MCF2L: variants seen among roughly 807,000 people sequenced by gnomAD.
MCF2L encodes the protein guanine nucleotide exchange factor DBS.
In MCF2L, 97 loss-of-function variants were observed where a neutral mutation model predicts 153.4. The ratio of observed to expected loss-of-function variants is 0.63; its 90% confidence interval spans 0.54 to 0.75. The LOEUF (loss-of-function observed/expected upper bound fraction) is 0.75, where lower values mean the gene tolerates loss of function less well. Among genes scored for constraint, MCF2L ranks in the 30% least tolerant of loss-of-function variants. The probability of loss-of-function intolerance (pLI) is 0.00; values close to 1 mark genes in which losing one functional copy is unlikely to be tolerated. For missense variants in MCF2L, 1,347 were observed against 1,495.2 expected, an observed-to-expected ratio of 0.90 and a Z score of 1.64; for synonymous variants, 659 against 632.2, an observed-to-expected ratio of 1.04 and a Z score of -0.64.
chr13:113,091,600 G>A (rs1054296659), intron 26 of MCF2L, among the ~76,000 whole-genome samples: 2 of 152,182 alleles, frequency 1.3e-5, no homozygotes, highest in African/African-American at 4.8e-5. Context: ...TGGGAACACA[G>A]AGCATAGCAA....
At chr13:113,095,467 A>T (rs1470639425) in intron 27 of MCF2L, 1 of 1,072,020 alleles carries the variant, frequency 9.3e-7, no homozygotes, top group Admixed American at 5.1e-5. Flanking sequence ...AACAGGGTGC[A>T]CGGGGCCTGG....
In MCF2L at chr13:113,075,161, C is replaced by A; in HGVS notation, c.1280C>A (p.Ser427Tyr). 6.2e-7 allele frequency: 1 copy of A among 1,606,034 alleles called. No individual in the cohort carries two copies. The highest frequency in any genetic ancestry group is 8.5e-7 in the Non-Finnish European group (1 of 1,174,710). Residue 427 changes from serine (S) to tyrosine (Y), a missense_variant, in exon 11 of 30, where the codon TCC (serine) becomes TAC (tyrosine). This residue lies in a region of MCF2L where 820 missense variants were observed against 921.2 expected (regional missense o/e 0.89). Transcript: ENST00000535094. ...IARRRGLLSK[S>Y]LELHRRLETS... ...AGGAGGAGGGGGCTGCTCAGCAAGT[C>A]CCTGGAGCTGCACCGCCGCCTGGAG...
chr13:112,897,524 G>A (rs553277521), intron 1 of MCF2L, among the ~76,000 whole-genome samples: 16 of 152,306 alleles, frequency 1.1e-4, no homozygotes, highest in African/African-American at 3.1e-4. Context: ...GCTGTGGGAC[G>A]TCCCGGATGA....
chr13:112,982,153 T>A (rs952546127), intron 1 of MCF2L, among the ~76,000 whole-genome samples: 2 of 152,008 alleles, frequency 1.3e-5, no homozygotes, highest in African/African-American at 4.8e-5. Flanking sequence ...TCAGGAGCTT[T>A]GGAAAGAGGT....
chr13:112,959,508 G>A (rs963870157), intron 2 of MCF2L, among the ~76,000 whole-genome samples: 1 of 152,144 alleles, frequency 6.6e-6, no homozygotes, highest in African/African-American at 2.4e-5. Context: ...AGTGAGGGAG[G>A]AGGGTCATCC....
chr13:112,931,125 C>T (rs573549448), intron 2 of MCF2L, among the ~76,000 whole-genome samples: 1 of 152,276 alleles, frequency 6.6e-6, no homozygotes, highest in South Asian at 2.1e-4. Flanking sequence ...TCTGGGGCCT[C>T]CCAGTGGGGA....
In MCF2L at chr13:113,088,382, C is replaced by A; in HGVS notation, c.2744C>A (p.Thr915Asn). ...GTGAATGAAATTCGGAAAGTGCTGA[C>A]CAGCCAGCTGCAGGCTTGTAGAGGT... ...AWVNEIRKVL[T>N]SQLQACREAS... Residue 915 changes from threonine (T) to asparagine (N), a missense_variant, in exon 24 of 30, where the codon ACC (threonine) becomes AAC (asparagine). Physicochemically the swap from Thr to Asn is moderately conservative, Grantham distance 65. Around this residue, in one of 3 missense-constraint regions of MCF2L, gnomAD observed 383 missense variants for 335.4 expected, o/e 1.14. Coordinates refer to ENST00000535094, the MANE Select transcript of MCF2L (RefSeq NM_001112732.3). 6.2e-7 allele frequency: 1 copy of A among 1,614,044 alleles called. No individual in the cohort carries two copies. The highest frequency in any genetic ancestry group is 8.5e-7 in the Non-Finnish European group (1 of 1,180,044).
intron 25 of MCF2L, 40 bp from the exon 26 acceptor site, chr13:113,089,570 C>A: frequency 7.2e-7 from 1 of 1,387,706 alleles, no homozygotes; most frequent in Non-Finnish European, 1.0e-6. Flanking sequence ...ACTAACCAGG[C>A]AACACACTAT....
At chr13:112,958,898 G>A (rs1029517848) in intron 2 of MCF2L, among the ~76,000 whole-genome samples, 2 of 152,130 alleles carry the variant, frequency 1.3e-5, no homozygotes, top group East Asian at 1.9e-4. Flanking sequence ...TGGGAGAGCC[G>A]TGAACACAGA....
In MCF2L at chr13:113,031,987, C is replaced by A. The variant is rs892724154; in HGVS notation, c.278+7229C>A. On this transcript the variant is annotated intron_variant, in intron 3 of 29. Transcript: ENST00000535094. The surrounding 1 kb of genome is among the most constrained non-coding windows in gnomAD (Gnocchi z 5.5). Reference sequence around the variant, plus strand: ...GCACACACACACATGCAAGTGCATGCATACCCCCCCACAGACCTGCACATG... The same window carrying A: ...GCACACACACACATGCAAGTGCATGAATACCCCCCCACAGACCTGCACATG... 1.3e-5 allele frequency among the ~76,000 whole-genome samples: 2 copies of A among 152,188 alleles called. No individual in the cohort carries two copies. Among genetic ancestry groups the A allele is most frequent in the Admixed American group, 6.5e-5 (1 of 15,280 alleles).
intron 15 of MCF2L, among the ~76,000 whole-genome samples, 172 bp from the exon 16 acceptor site, chr13:113,081,041 C>A (rs941237835): frequency 6.6e-6 from 1 of 152,210 alleles, no homozygotes; most frequent in African/African-American, 2.4e-5. Flanking sequence ...TCTGAGGCCG[C>A]GAGCTGGGAG....
In MCF2L at chr13:112,949,666, C is replaced by A. The variant is rs999827115; in HGVS notation, c.169+47295C>A. ...CAACCAGTGCAGAAAAAGTCTTTGA[C>A]AAAATTTAACACACATTCATGATTA... On this transcript the variant is annotated intron_variant, in intron 2 of 29. Transcript: ENST00000375608. Among the ~76,000 whole-genome samples, 4 of 149,958 alleles carry A rather than the reference C, an allele frequency of 2.7e-5. No homozygotes were observed. In the East Asian group the frequency reaches 7.8e-4, roughly 29 times the overall value.
intron 3 of MCF2L, among the ~76,000 whole-genome samples, chr13:113,030,223 G>A (rs2085563185): frequency 6.6e-6 from 1 of 152,068 alleles, no homozygotes; most frequent in South Asian, 2.1e-4. Context: ...GACGCCCGGT[G>A]TGGACTCTCA....
rs2082987340 is a variant in MCF2L, at chr13:112,993,679, AT to A, written c.80-21081del. On this transcript the variant is annotated intron_variant, in intron 1 of 29. Coordinates refer to ENST00000535094, the MANE Select transcript of MCF2L (RefSeq NM_001112732.3). The surrounding 1 kb of genome is among the most constrained non-coding windows in gnomAD (Gnocchi z 4.6). The stretch of plus-strand genomic sequence containing the variant: ...ATGGCCCCACGATGTCAGGCTTGGA[AT>A]TTGGGGTGGACGGTGGTGCCATCAG... 6.6e-6 allele frequency among the ~76,000 whole-genome samples: 1 copy of A among 152,016 alleles called. No individual in the cohort carries two copies. Among genetic ancestry groups the A allele is most frequent in the South Asian group, 2.1e-4 (1 of 4,816 alleles).
Position 113,064,139 on chromosome 13 carries a change from C to T in MCF2L, c.490-165C>T, listed in dbSNP as rs976072290. On this transcript the variant is annotated intron_variant, in intron 5 of 29. Transcript: ENST00000535094. The surrounding 1 kb of genome is among the most constrained non-coding windows in gnomAD (Gnocchi z 6.0). Reference sequence around the variant, plus strand: ...GCGGGGCGCTGAGCTGCATCCCATCCGCACATCCATCCGCAGTGTCCAGGT... The same window carrying T: ...GCGGGGCGCTGAGCTGCATCCCATCTGCACATCCATCCGCAGTGTCCAGGT... Among the ~76,000 whole-genome samples the T allele has an allele frequency of 2.6e-5, 4 of 152,198 alleles. No homozygotes were observed. The highest frequency in any genetic ancestry group is 7.2e-5 in the African/African-American group (3 of 41,442).
At chr13:113,084,852 A>ACCGCGTGATGCGCTGCCCG (rs761395161) in intron 18 of MCF2L, 40 bp from the exon 19 acceptor site, 1 of 1,486,326 alleles carries the variant, frequency 6.7e-7, no homozygotes. Flanking sequence ...TGCGCTGCCC[A>ACCGCGTGATGCGCTGCCCG]TCCCTCACTG....
At chr13:112,996,672 G>A (rs187487119) in intron 1 of MCF2L, among the ~76,000 whole-genome samples, 28 of 152,326 alleles carry the variant, frequency 1.8e-4, no homozygotes, top group Non-Finnish European at 3.5e-4. Context: ...TCTTGGATGC[G>A]CCCGATGGTC....
In MCF2L at chr13:112,941,951, AG is replaced by A. The variant is rs2081578927; in HGVS notation, c.169+39581del. Among the ~76,000 whole-genome samples the A allele has an allele frequency of 6.6e-6, 1 of 152,198 alleles. No individual in the cohort carries two copies. Among genetic ancestry groups the A allele is most frequent in the Admixed American group, 6.5e-5 (1 of 15,286 alleles). ...GGGCCACCAGAGGGCTCTTTGGTCT[AG>A]CGGTAACGCCAGCATCTGGGAAGAC... On this transcript the variant is annotated intron_variant, in intron 2 of 29. Transcript: ENST00000375608. The surrounding 1 kb of genome is among the most constrained non-coding windows in gnomAD (Gnocchi z 4.9).
Position 113,035,100 on chromosome 13 carries a change from A to G in MCF2L, c.279-10171A>G, listed in dbSNP as rs188582440. The stretch of plus-strand genomic sequence containing the variant: ...TCAGCACCCCCGTGCAGACCTCACC[A>G]TTCCCGACGGGAACACTTGTGATAT... On this transcript the variant is annotated intron_variant, in intron 3 of 29. Transcript: ENST00000535094. The surrounding 1 kb of genome is among the most constrained non-coding windows in gnomAD (Gnocchi z 4.4). Among the ~76,000 whole-genome samples the G allele has an allele frequency of 2.0e-5, 3 of 152,304 alleles. No homozygotes were observed. Among genetic ancestry groups the G allele is most frequent in the Admixed American group, 2.0e-4 (3 of 15,302 alleles).
Sources: gnomAD v4.1 joint callset for allele counts (sites outside exome capture counted in the v4.1 genomes callset) on GRCh38, gnomAD v4.1.1 for gene constraint, gnomAD v4.1.1 regional missense constraint, Gnocchi (gnomAD v3.1) non-coding constraint, MANE v1.5 for transcripts, NCBI Gene and HGNC (gene_info 2026-07-23, HGNC 2026-07-21) for gene names.